TAB1: variants seen among roughly 807,000 people sequenced by gnomAD.
TAB1 encodes TGF-beta activated kinase 1 (MAP3K7) binding protein 1, also known as TGF-beta-activated kinase 1 and MAP3K7-binding protein 1.
In TAB1, 30 loss-of-function variants were observed where a neutral mutation model predicts 54.5. The ratio of observed to expected loss-of-function variants is 0.55; its 90% CI spans 0.41 to 0.75. The LOEUF (loss-of-function observed/expected upper bound fraction) is 0.75. Ranked by LOEUF, TAB1 falls within the 30% of genes least tolerant of loss-of-function variation. TAB1 has a pLI of 0.00. For synonymous variants in TAB1, 289 were observed against 286.9 expected, an observed-to-expected ratio of 1.01 and a Z score of -0.07; for missense variants, 609 against 683.2, an observed-to-expected ratio of 0.89 and a Z score of 1.21.
intron 1 of TAB1, among the ~76,000 whole-genome samples, chr22:39,400,263 A>G (rs1029232980): frequency 1.3e-5 from 2 of 152,222 alleles, no homozygotes; most frequent in African/African-American, 4.8e-5. Context: ...TTTTCGTAGC[A>G]GCCCCCTGAG....
At chr22:39,437,037 G>A (rs1176973160), downstream of TAB1, 1 of 158,004 alleles carries the variant, frequency 6.3e-6, no homozygotes, top group African/African-American at 2.4e-5. Flanking sequence ...TGACTTTCAT[G>A]GGCCTCTTCT....
At chr22:39,407,620 G>A (rs1358343235) in intron 1 of TAB1, among the ~76,000 whole-genome samples, 1 of 152,056 alleles carries the variant, frequency 6.6e-6, no homozygotes, top group Non-Finnish European at 1.5e-5. Flanking sequence ...ATAGTAGATG[G>A]GACTACAGGC....
At chr22:39,427,319 G>A (rs1319582328) in intron 9 of TAB1, among the ~76,000 whole-genome samples, 1 of 152,236 alleles carries the variant, frequency 6.6e-6, no homozygotes, top group Non-Finnish European at 1.5e-5. Context: ...TTCCAGAGAG[G>A]GAAACTGAGG....
At chr22:39,422,100 G>A in intron 8 of TAB1, 129 bp downstream of exon 8, 2 of 930,830 alleles carry the variant, frequency 2.1e-6, no homozygotes, top group South Asian at 2.1e-5. Context: ...CAAAGCTGGG[G>A]GAAGGAGAAT....
chr22:39,430,877 C>T lies in TAB1; in HGVS notation c.*655C>T. 1 of 988,194 alleles carries T rather than the reference C, an allele frequency of 1.0e-6. No individual in the cohort carries two copies. The highest frequency in any genetic ancestry group is 1.2e-6 in the Non-Finnish European group (1 of 831,678). The allele number at this position is 988,194 out of a possible 1,614,324, so 61.2% of individuals were successfully genotyped here. ...GCCAGGGGGAAGTGGTCTAAGAGAC[C>T]TGGAACTGCCAGAGGATGGCGGCCT... On this transcript the variant is annotated 3_prime_UTR_variant, in exon 11 of 11. Transcript: ENST00000216160.
chr22:39,406,880 G>T (rs59238518), intron 1 of TAB1, among the ~76,000 whole-genome samples: 5 of 152,112 alleles, frequency 3.3e-5, no homozygotes, highest in Admixed American at 6.6e-5. Flanking sequence ...TGATCTGCCC[G>T]CCTTGGCCTC....
At chr22:39,409,659 T>A (rs537281133) in intron 1 of TAB1, among the ~76,000 whole-genome samples, 1 of 152,278 alleles carries the variant, frequency 6.6e-6, no homozygotes, top group East Asian at 1.9e-4. Flanking sequence ...CACTGCCCCA[T>A]AGTCATTCAG....
chr22:39,436,567 G>T (rs766563821), downstream of TAB1: 2 of 1,613,568 alleles, frequency 1.2e-6, no homozygotes, highest in South Asian at 2.2e-5. Context: ...CTGACCCCAG[G>T]GTAGGAAGGA....
chr22:39,426,798 C>T lies in TAB1; in HGVS notation c.1017C>T (p.Ser339=), dbSNP rs750396632. 29 of 1,613,884 alleles carry T rather than the reference C, an allele frequency of 1.8e-5. No homozygotes were observed. Among genetic ancestry groups the T allele is most frequent in the African/African-American group, 1.5e-4 (11 of 74,948 alleles). Residue 339 remains serine (S), a synonymous_variant, in exon 9 of 11, where the codon AGC becomes AGT. Coordinates refer to ENST00000216160, the MANE Select transcript of TAB1 (RefSeq NM_006116.3). ...AVVDRVKRIH[S]DTFASGGERA... Reference sequence around the variant, plus strand: ...TGGACCGGGTGAAGCGCATCCACAGCGACACCTTCGCCAGTGGTGGGGAGC... The same window carrying T: ...TGGACCGGGTGAAGCGCATCCACAGTGACACCTTCGCCAGTGGTGGGGAGC...
At chr22:39,429,241 T>C (rs1927480762) in intron 10 of TAB1, 1 of 985,170 alleles carries the variant, frequency 1.0e-6, no homozygotes, top group Non-Finnish European at 1.2e-6. Flanking sequence ...ACCCAGCTGA[T>C]GAGAAGAGAT....
downstream of TAB1, among the ~76,000 whole-genome samples, chr22:39,436,250 G>A (rs1601706334): frequency 6.6e-6 from 1 of 152,024 alleles, no homozygotes; most frequent in South Asian, 2.1e-4. Context: ...TGGAGATTGT[G>A]CCACTATACT....
intron 8 of TAB1, among the ~76,000 whole-genome samples, chr22:39,425,911 T>C (rs1233421953): frequency 2.0e-5 from 3 of 151,462 alleles, no homozygotes; most frequent in Admixed American, 2.0e-4. Context: ...CTTGCCCTGT[T>C]GGCCAGGCTG....
At chr22:39,417,345 G>A (rs1178920024) in intron 4 of TAB1, among the ~76,000 whole-genome samples, 1 of 152,242 alleles carries the variant, frequency 6.6e-6, no homozygotes. Context: ...GGGAGGCCGG[G>A]CATGGTGGCT....
chr22:39,428,356 G>T (rs1232238196), intron 10 of TAB1, among the ~76,000 whole-genome samples, 173 bp downstream of exon 10: 2 of 152,240 alleles, frequency 1.3e-5, no homozygotes, highest in Non-Finnish European at 2.9e-5. Flanking sequence ...TGAGGCAGGT[G>T]CGATTTTTGG....
intron 7 of TAB1, chr22:39,421,600 G>A: frequency 1.8e-6 from 1 of 562,126 alleles, no homozygotes. Flanking sequence ...TTGCCATCCT[G>A]ACCTCAGCTG....
At chr22:39,401,866 T>C (rs1378752170) in intron 1 of TAB1, among the ~76,000 whole-genome samples, 1 of 152,040 alleles carries the variant, frequency 6.6e-6, no homozygotes, top group Admixed American at 6.6e-5. Context: ...CTGTCTCAAG[T>C]CTGGGGAGAA....
rs759593545 is a variant in TAB1 at position 39,428,020 on chromosome 22, G to A, written c.1145-1G>A. ...AGGCCCCCACTCTCTTCCTCCCAAA[G>A]CTGCAGGAGGACGAGTGTACCCTGT... On this transcript the variant is annotated splice_acceptor_variant, in intron 9 of 10. Coordinates refer to ENST00000216160, the MANE Select transcript of TAB1 (RefSeq NM_006116.3). LOFTEE classifies it high-confidence loss of function. 6.9e-6 allele frequency: 11 copies of A among 1,583,252 alleles called. No homozygotes were observed. In the East Asian group the frequency reaches 2.3e-4, roughly 33 times the overall value.
chr22:39,429,009 GC>G, intron 10 of TAB1: 1 of 975,472 alleles, frequency 1.0e-6, no homozygotes, highest in Non-Finnish European at 1.2e-6. Context: ...CAGCACCCCT[GC>G]CGGGCTGCCT....
rs1194770249 is a variant in TAB1 at position 39,428,015 on chromosome 22, C to T, written c.1145-6C>T. The T allele has an allele frequency of 1.3e-6, 2 of 1,580,356 alleles. No homozygotes were observed. The highest frequency in any genetic ancestry group is 2.7e-5 in the African/African-American group (2 of 74,438). On this transcript the variant is annotated splice_polypyrimidine_tract_variant and splice_region_variant and intron_variant, in intron 9 of 10. Coordinates refer to ENST00000216160, the MANE Select transcript of TAB1 (RefSeq NM_006116.3). ...GCCTGAGGCCCCCACTCTCTTCCTC[C>T]CAAAGCTGCAGGAGGACGAGTGTAC... is the stretch of plus-strand genomic sequence containing the variant.
Sources: gnomAD v4.1 joint callset for allele counts (sites outside exome capture counted in the v4.1 genomes callset) on GRCh38, gnomAD v4.1.1 for gene constraint, MANE v1.5 for transcripts, NCBI Gene and HGNC (gene_info 2026-07-23, HGNC 2026-07-21) for gene names.